The following SLC30A4 variants were observed in gnomAD, a reference collection of about 807,000 sequenced individuals.
The protein encoded by SLC30A4 is solute carrier family 30 member 4, also known as probable proton-coupled zinc antiporter SLC30A4.
In SLC30A4, 20 loss-of-function variants were observed where a neutral mutation model predicts 41.7. That is an observed-to-expected ratio of 0.48 (90% CI 0.34 to 0.70). The LOEUF (loss-of-function observed/expected upper bound fraction) is 0.70, where lower values mean the gene tolerates loss of function less well. Among genes scored for constraint, SLC30A4 ranks in the 30% least tolerant of loss-of-function variants. The pLI is 0.01. For synonymous variants in SLC30A4, 181 were observed against 195.9 expected (o/e 0.92, Z 0.64); for missense variants, 441 against 529.3 (o/e 0.83, Z 1.64).
chr15:45,520,536 A>C (rs954414558), intron 2 of SLC30A4, among the ~76,000 whole-genome samples: 2 of 152,122 alleles, frequency 1.3e-5, no homozygotes, highest in African/African-American at 2.4e-5. Flanking sequence ...CGGCCTCCCA[A>C]AGTGCTGGGA....
At chr15:45,495,768 T>A (rs1442729678) in intron 3 of SLC30A4, among the ~76,000 whole-genome samples, 2 of 152,184 alleles carry the variant, frequency 1.3e-5, no homozygotes, top group East Asian at 3.8e-4. Flanking sequence ...CAGTTTTCAC[T>A]CACATGAGAA....
chr15:45,497,275 G>C (rs1891926542), intron 3 of SLC30A4: 1 of 152,108 alleles, frequency 6.6e-6, no homozygotes, highest in Non-Finnish European at 1.5e-5. Context: ...TCACCATGTT[G>C]GCCAGGGTAG....
At chr15:45,512,229 T>A (rs768060475) in intron 2 of SLC30A4, 1 of 152,220 alleles carries the variant, frequency 6.6e-6, no homozygotes, top group African/African-American at 2.4e-5. Flanking sequence ...ATTCACTGAA[T>A]AAGCTTTTAT....
At chr15:45,495,113 T>C (rs1015173678) in intron 3 of SLC30A4, among the ~76,000 whole-genome samples, 2 of 149,744 alleles carry the variant, frequency 1.3e-5, no homozygotes, top group African/African-American at 2.5e-5. Context: ...GCCACTACAC[T>C]CCAGCCAGGG....
At chr15:45,485,953 A>C (rs1376727778) in intron 7 of SLC30A4, among the ~76,000 whole-genome samples, 2 of 151,922 alleles carry the variant, frequency 1.3e-5, no homozygotes, top group Non-Finnish European at 2.9e-5. Flanking sequence ...TCCTGACCTC[A>C]GGTGATCCAC....
At chr15:45,511,905 A>C (rs961597785) in intron 2 of SLC30A4, among the ~76,000 whole-genome samples, 1 of 152,240 alleles carries the variant, frequency 6.6e-6, no homozygotes, top group Non-Finnish European at 1.5e-5. Context: ...TAACTTACTA[A>C]TTCTACTATT....
At position 45,522,321 on chromosome 15, in the gene SLC30A4, A is replaced by AT; in HGVS notation, c.33dup (p.Ser12IlefsTer7). 6.2e-7 allele frequency: 1 copy of AT among 1,613,064 alleles called. No homozygotes were observed. Among genetic ancestry groups the AT allele is most frequent in the Non-Finnish European group, 8.5e-7 (1 of 1,179,754 alleles). On this transcript the variant is annotated frameshift_variant, in exon 2 of 8. Coordinates refer to ENST00000261867, the MANE Select transcript of SLC30A4 (RefSeq NM_013309.6). LOFTEE classifies it high-confidence loss of function. ...GGCGCATCATCCTTCCTTAGCATAG[A>AT]TTTGAGGCGCTTCCACGCGCCAGAG...
In SLC30A4 at chr15:45,482,057, T is replaced by TA. The variant is rs57854212; in HGVS notation, c.*3105dup. ...GCAACATAGGGAGACCCCATCTCAT[T>TA]AAAAAAAAAAAAAAAAAAAAAAAAA... is the stretch of plus-strand genomic sequence containing the variant. On this transcript the variant is annotated 3_prime_UTR_variant, in exon 8 of 8. Transcript: ENST00000261867. 2,092 of 35,802 alleles carry TA rather than the reference T, an allele frequency of 0.058. 211 individuals carry two copies. The highest frequency in any genetic ancestry group is 0.084 in the Non-Finnish European group (1,566 of 18,684). The allele number at this position is 35,802 out of a possible 1,614,324, so 2.2% of individuals were successfully genotyped here.
rs886163980 is a variant in SLC30A4 at position 45,482,589 on chromosome 15, AT to A, written c.*2573del. 6.6e-6 allele frequency: 1 copy of A among 151,966 alleles called. No individual in the cohort carries two copies. The highest frequency in any genetic ancestry group is 2.4e-5 in the African/African-American group (1 of 41,360). 9.4% of individuals were successfully genotyped at this position (151,966 alleles called of 1,614,324 possible). ...AAAAAATGATTAGAGTATGATGAAT[AT>A]TTTTTTCCTTTCTACTTGCTAGATA... On this transcript the variant is annotated 3_prime_UTR_variant, in exon 8 of 8. Coordinates refer to ENST00000261867, the MANE Select transcript of SLC30A4 (RefSeq NM_013309.6).
At position 45,521,793 on chromosome 15, in the gene SLC30A4, C is replaced by T. The variant is rs570869857; in HGVS notation, c.391+171G>A. 6 of 619,666 alleles carry T rather than the reference C, an allele frequency of 9.7e-6. No individual in the cohort carries two copies. In the Admixed American group the frequency reaches 1.5e-4, roughly 16 times the overall value. The allele number at this position is 619,666 out of a possible 1,614,324, so 38.4% of individuals were successfully genotyped here. A position where few individuals can be genotyped will look rare whatever the true frequency, so the allele number is the denominator to read the frequency against. On this transcript the variant is annotated intron_variant, in intron 2 of 7. Coordinates refer to ENST00000261867, the MANE Select transcript of SLC30A4 (RefSeq NM_013309.6). ...GTTATCTCGGGGAGTTTATATTGTA[C>T]TTAGATTGAGCTGCACTTTGGAACC...
intron 3 of SLC30A4, among the ~76,000 whole-genome samples, chr15:45,498,342 CT>C (rs1301665106): frequency 2.6e-5 from 4 of 152,182 alleles, no homozygotes; most frequent in Middle Eastern, 3.4e-3. Context: ...TTGAGCACCC[CT>C]AATGAGAAAA....
intron 3 of SLC30A4, among the ~76,000 whole-genome samples, chr15:45,505,550 C>G (rs1892137469): frequency 6.6e-6 from 1 of 152,174 alleles, no homozygotes; most frequent in Non-Finnish European, 1.5e-5. Context: ...AATATTACTT[C>G]TATCTGAATA....
At chr15:45,487,258 C>T (rs559064441) in intron 6 of SLC30A4, among the ~76,000 whole-genome samples, 23 of 152,296 alleles carry the variant, frequency 1.5e-4, no homozygotes, top group African/African-American at 5.5e-4. Flanking sequence ...TGTTATCCCT[C>T]TGAACCTCAA....
intron 2 of SLC30A4, among the ~76,000 whole-genome samples, chr15:45,519,061 A>C (rs1892584940): frequency 6.6e-6 from 1 of 151,234 alleles, no homozygotes; most frequent in African/African-American, 2.4e-5. Flanking sequence ...TTGTATTTTT[A>C]GTAGAGATGG....
At chr15:45,514,157 C>T (rs1892388906) in intron 2 of SLC30A4, among the ~76,000 whole-genome samples, 1 of 151,914 alleles carries the variant, frequency 6.6e-6, no homozygotes, top group Admixed American at 6.6e-5. Context: ...ACCAGCCTGA[C>T]CAATATGGAA....
chr15:45,482,444 C>T lies in SLC30A4; in HGVS notation c.*2719G>A, dbSNP rs2140805134. The T allele has an allele frequency of 6.6e-6, 1 of 151,736 alleles. No homozygotes were observed. Among genetic ancestry groups the T allele is most frequent in the Non-Finnish European group, 1.5e-5 (1 of 67,866 alleles). The allele number at this position is 151,736 out of a possible 1,614,324, so 9.4% of individuals were successfully genotyped here. ...AAAAAAAAAAGAATTCTTTTCAATA[C>T]TCAAATGAATTTTAGCCTGTTTTAT... On this transcript the variant is annotated 3_prime_UTR_variant, in exon 8 of 8. Transcript: ENST00000261867.
At position 45,522,487 on chromosome 15, in the gene SLC30A4, G is replaced by T; in HGVS notation, c.-114-19C>A. 1 of 938,442 alleles carries T rather than the reference G, an allele frequency of 1.1e-6. No individual in the cohort carries two copies. Among genetic ancestry groups the T allele is most frequent in the Non-Finnish European group, 1.5e-6 (1 of 649,674 alleles). The allele number at this position is 938,442 out of a possible 1,614,324, so 58.1% of individuals were successfully genotyped here. A position where few individuals can be genotyped will look rare whatever the true frequency, so the allele number is the denominator to read the frequency against. The stretch of plus-strand genomic sequence containing the variant: ...CCCCATCCTGTGGAAAACGAAACAC[G>T]TTATAAATTAAAGGCGCCCAACCCT... On this transcript the variant is annotated intron_variant, in intron 1 of 7. Transcript: ENST00000261867.
At chr15:45,521,790 G>C (rs1369453018) in intron 2 of SLC30A4, 174 bp downstream of exon 2, 4 of 610,064 alleles carry the variant, frequency 6.6e-6, no homozygotes, top group Non-Finnish European at 5.7e-6. Context: ...AGTTTATATT[G>C]TACTTAGATT....
chr15:45,517,119 C>A (rs1007854267), intron 2 of SLC30A4, among the ~76,000 whole-genome samples: 7 of 151,818 alleles, frequency 4.6e-5, no homozygotes, highest in African/African-American at 1.7e-4. Context: ...ACAGTTTCAA[C>A]CTATTTATTT....
Sources: gnomAD v4.1 joint callset for allele counts (sites outside exome capture counted in the v4.1 genomes callset) on GRCh38, gnomAD v4.1.1 for gene constraint, MANE v1.5 for transcripts, NCBI Gene and HGNC (gene_info 2026-07-23, HGNC 2026-07-21) for gene names.